The following BBS2 variants were observed in gnomAD, a reference collection of about 807,000 sequenced individuals.
The protein encoded by BBS2 is Bardet-Biedl syndrome 2, also known as BBSome complex member BBS2.
In BBS2, 62 loss-of-function variants were observed where a neutral mutation model predicts 83.0. That is an observed-to-expected ratio of 0.75 (90% CI 0.61 to 0.92). The LOEUF (loss-of-function observed/expected upper bound fraction) is 0.92. Among genes scored for constraint, BBS2 ranks in the 40% least tolerant of loss-of-function variants. BBS2 has a pLI of 0.00. For missense variants in BBS2, 784 were observed against 901.0 expected, an observed-to-expected ratio of 0.87 and a Z score of 1.66; for synonymous variants, 303 against 326.1, an observed-to-expected ratio of 0.93 and a Z score of 0.76.
At chr16:56,519,584 C>T in intron 1 of BBS2, 162 bp downstream of exon 1, 5 of 621,002 alleles carry the variant, frequency 8.1e-6, no homozygotes, top group South Asian at 5.7e-5. Context: ...TCTAAGACCC[C>T]ACTGTCCTCT....
chr16:56,506,170 T>C lies in BBS2; in HGVS notation c.667A>G (p.Asn223Asp). 6.2e-7 allele frequency: 1 copy of C among 1,614,096 alleles called. No homozygotes were observed. The highest frequency in any genetic ancestry group is 8.5e-7 in the Non-Finnish European group (1 of 1,179,972). Reference sequence around the variant, plus strand: ...TTGTCATAAACTCCAACTGTGCCATTGGAAAGGGCATAACCAAATCGACTG... The same window carrying C: ...TTGTCATAAACTCCAACTGTGCCATCGGAAAGGGCATAACCAAATCGACTG... ...YGSRFGYALS[N>D]GTVGVYDKTS... Residue 223 changes from asparagine to aspartate, a missense_variant, in exon 6 of 17, where the codon AAT becomes GAT. Coordinates refer to ENST00000245157, the MANE Select transcript of BBS2 (RefSeq NM_031885.5).
rs202230432 is a variant in BBS2, at chr16:56,497,036, A to G, written c.1841T>C (p.Met614Thr). ...HSVHQKLSAD[M>T]ADHSNLIRSL... is the part of the protein sequence containing the mutation. ...TCGGATCAAATTAGAATGATCAGCC[A>G]TATCAGCACTGAGCTTCTGATGCAC... Residue 614 changes from methionine to threonine, a missense_variant, in exon 15 of 17, where the codon ATG becomes ACG. Transcript: ENST00000245157. The G allele has an allele frequency of 4.3e-6, 7 of 1,614,158 alleles. No homozygotes were observed. The highest frequency in any genetic ancestry group is 2.7e-5 in the African/African-American group (2 of 75,062).
intron 17 of BBS2, chr16:56,475,948 G>A (rs1963451114): frequency 1.7e-6 from 2 of 1,143,548 alleles, no homozygotes; most frequent in South Asian, 3.1e-5. Context: ...CCCAGATTAA[G>A]TGCTTGATAT....
chr16:56,493,942 T>TA (rs1964035731), intron 15 of BBS2, among the ~76,000 whole-genome samples: 2 of 152,118 alleles, frequency 1.3e-5, no homozygotes, highest in African/African-American at 4.8e-5. Flanking sequence ...GTTATGTTGA[T>TA]ACTGATTGGA....
intron 7 of BBS2, among the ~76,000 whole-genome samples, chr16:56,503,501 C>T (rs1217219628): frequency 3.3e-5 from 5 of 152,166 alleles, no homozygotes; most frequent in African/African-American, 1.2e-4. Flanking sequence ...AAAAACTATT[C>T]AGATACTTTA....
intron 15 of BBS2, among the ~76,000 whole-genome samples, chr16:56,492,981 A>C (rs1423654627): frequency 6.6e-6 from 1 of 152,246 alleles, no homozygotes; most frequent in African/African-American, 2.4e-5. Flanking sequence ...AAATAGAGGA[A>C]ACTGGCTGAA....
At position 56,484,687 on chromosome 16, in the gene BBS2, G is replaced by A. The variant is rs1439688525; in HGVS notation, c.*74C>T. ...TAGCACCCGGGGTTCACCAGGGTGTGATCCAAAGCAAACCAGCATAGGTTT... is the reference window on the plus strand; with the variant it reads ...TAGCACCCGGGGTTCACCAGGGTGTAATCCAAAGCAAACCAGCATAGGTTT... On this transcript the variant is annotated 3_prime_UTR_variant, in exon 17 of 17. Coordinates refer to ENST00000245157, the MANE Select transcript of BBS2 (RefSeq NM_031885.5). 1 of 1,335,704 alleles carries A rather than the reference G, an allele frequency of 7.5e-7. No homozygotes were observed. Among genetic ancestry groups the A allele is most frequent in the African/African-American group, 1.4e-5 (1 of 69,300 alleles). The allele number at this position is 1,335,704 out of a possible 1,614,324, so 82.7% of individuals were successfully genotyped here.
At chr16:56,494,337 T>A (rs142378806) in intron 15 of BBS2, among the ~76,000 whole-genome samples, 2,052 of 151,814 alleles carry the variant, frequency 0.014, 29 homozygotes, top group Non-Finnish European at 0.018. Flanking sequence ...TATTCATAAA[T>A]CTGAATGGTA....
chr16:56,471,252 C>G (rs1031074703), intron 17 of BBS2, among the ~76,000 whole-genome samples: 1 of 151,364 alleles, frequency 6.6e-6, no homozygotes, highest in Non-Finnish European at 1.5e-5. Context: ...ATCCAAGCTA[C>G]TCAGGAGGCT....
chr16:56,498,666 G>A (rs769012685), intron 12 of BBS2, 98 bp from the exon 13 acceptor site: 8 of 1,592,190 alleles, frequency 5.0e-6, no homozygotes, highest in Non-Finnish European at 2.6e-6. Context: ...CATTCTTGAG[G>A]GAAGAGTTCT....
chr16:56,508,875 CTGGCCTCAAGTGATCCTCCCACCT>C (rs1178809402), intron 5 of BBS2, among the ~76,000 whole-genome samples: 1 of 152,050 alleles, frequency 6.6e-6, no homozygotes, highest in African/African-American at 2.4e-5. Context: ...TCTCAAACTC[CTGGCCTCAAGTGATCCTCCCACCT>C]TGGCCTCCCA....
chr16:56,509,494 T>G (rs1415746470), intron 5 of BBS2: 2 of 187,010 alleles, frequency 1.1e-5, no homozygotes, highest in Admixed American at 5.5e-5. Flanking sequence ...GGAGTAAAAC[T>G]CTGCCTCAAA....
chr16:56,484,932 A>C, intron 16 of BBS2, 65 bp from the exon 17 acceptor site: 2 of 1,270,564 alleles, frequency 1.6e-6, no homozygotes, highest in South Asian at 2.4e-5. Context: ...ATTAGACGTC[A>C]GTTTTAAAAC....
downstream of BBS2, among the ~76,000 whole-genome samples, chr16:56,480,215 A>G (rs1212120452): frequency 1.3e-5 from 2 of 152,024 alleles, no homozygotes; most frequent in South Asian, 2.1e-4. Flanking sequence ...CATCTTTAAA[A>G]TGTGGAAAGT....
At chr16:56,473,095 T>G (rs548752533) in intron 17 of BBS2, among the ~76,000 whole-genome samples, 9 of 152,130 alleles carry the variant, frequency 5.9e-5, no homozygotes, top group African/African-American at 2.2e-4. Flanking sequence ...CACGCCCGGC[T>G]AACGTTTTGT....
chr16:56,501,281 C>CAA (rs150693766), intron 10 of BBS2, 72 bp downstream of exon 10: 372 of 1,344,174 alleles, frequency 2.8e-4, no homozygotes, highest in Non-Finnish European at 3.0e-4. Flanking sequence ...GACTCTGTCT[C>CAA]AAAAAAAAAA....
chr16:56,502,339 C>T lies in BBS2; in HGVS notation c.1058G>A (p.Arg353His). The change falls in exon 9 of 17, where the codon CGT (arginine) becomes CAT (histidine). Residue 353 changes from arginine to histidine, a missense_variant. Physicochemically the swap from Arg to His is conservative, Grantham distance 29. Transcript: ENST00000245157. The stretch of plus-strand genomic sequence containing the variant: ...TACCTTGGCATTTTCCTCATAGTTA[C>T]GGAGTTCCAGCAACAGATTCTGCTT... ...QKKQNLLLEL[R>H]NYEENAKAEL... 2 of 1,614,204 alleles carry T rather than the reference C, an allele frequency of 1.2e-6. No homozygotes were observed. Among genetic ancestry groups the T allele is most frequent in the South Asian group, 1.1e-5 (1 of 91,076 alleles).
intron 5 of BBS2, among the ~76,000 whole-genome samples, chr16:56,507,872 G>A (rs1374028475): frequency 6.6e-6 from 1 of 152,182 alleles, no homozygotes; most frequent in African/African-American, 2.4e-5. Context: ...GGAGGCTGAG[G>A]CAGGAGAATC....
At chr16:56,476,282 A>C in intron 17 of BBS2, 1 of 1,358,354 alleles carries the variant, frequency 7.4e-7, no homozygotes. Flanking sequence ...GCATGGAGTC[A>C]AGGAGAACTA....
Sources: gnomAD v4.1 joint callset for allele counts (sites outside exome capture counted in the v4.1 genomes callset) on GRCh38, gnomAD v4.1.1 for gene constraint, MANE v1.5 for transcripts, NCBI Gene and HGNC (gene_info 2026-07-23, HGNC 2026-07-21) for gene names.